The following GALNT14 variants were observed in gnomAD, a reference collection of about 807,000 sequenced individuals.
GALNT14 encodes polypeptide N-acetylgalactosaminyltransferase 14, also known as UDP-GalNAc:polypeptide N-acetylgalactosaminyltransferase 14.
A neutral mutation model predicts 77.5 loss-of-function variants in GALNT14; 60 were observed. The ratio of observed to expected loss-of-function variants is 0.77; its 90% CI spans 0.63 to 0.96. The LOEUF (loss-of-function observed/expected upper bound fraction) is 0.96. GALNT14 is among the 40% of genes least tolerant of loss of function. The pLI is 0.00. For synonymous variants in GALNT14, 280 were observed against 281.7 expected (o/e 0.99, Z 0.06); for missense variants, 710 against 731.0 (o/e 0.97, Z 0.33).
At chr2:30,970,573 A>C (rs1210972659) in intron 2 of GALNT14, among the ~76,000 whole-genome samples, 5 of 151,974 alleles carry the variant, frequency 3.3e-5, no homozygotes, top group Non-Finnish European at 7.4e-5. Flanking sequence ...TAGAAAAGGA[A>C]AGGACCATGG....
intron 1 of GALNT14, among the ~76,000 whole-genome samples, chr2:31,032,786 TAGA>T (rs1175975484): frequency 6.6e-6 from 1 of 151,868 alleles, no homozygotes; most frequent in African/African-American, 2.4e-5. Context: ...CTGTGAAGAG[TAGA>T]AGATGTGATG....
chr2:30,955,586 G>A (rs374183151), intron 6 of GALNT14, 32 bp downstream of exon 6: 18 of 1,605,184 alleles, frequency 1.1e-5, no homozygotes, highest in East Asian at 4.5e-5. Flanking sequence ...GCTGGGGCAC[G>A]AGGCCCGGCC....
the GALNT14 span, among the ~76,000 whole-genome samples, chr2:30,894,929 C>T: frequency 0.22 from 33,680 of 152,176 alleles, 4,288 homozygotes; most frequent in South Asian, 0.32. Context: ...TGGGTTTGTA[C>T]TATCAGTTCC....
chr2:31,066,317 C>T (rs1480010519), intron 1 of GALNT14, among the ~76,000 whole-genome samples: 1 of 152,030 alleles, frequency 6.6e-6, no homozygotes, highest in Admixed American at 6.5e-5. Context: ...CACCCAGGTG[C>T]CTGTCAGAAG....
intron 1 of GALNT14, among the ~76,000 whole-genome samples, chr2:31,023,148 GAAAAACAAAAAC>G (rs370412226): frequency 1.4e-3 from 196 of 143,052 alleles, no homozygotes; most frequent in Admixed American, 3.2e-3. Flanking sequence ...CTATAGTGGG[GAAAAACAAAAAC>G]AAAAACAAAA....
rs187697868 is a variant in GALNT14 at position 31,072,533 on chromosome 2, C to T, written c.129+65425G>A. Among the ~76,000 whole-genome samples the T allele has an allele frequency of 1.3e-3, 193 of 152,152 alleles. 1 individual carries two copies. Among genetic ancestry groups the T allele is most frequent in the Non-Finnish European group, 2.1e-3 (145 of 68,016 alleles). ...CTTACTGTGGTTTGCTTGGAAAATT[C>T]TGCCTTCCTTTGCCTCTTCCTTACT... is the stretch of plus-strand genomic sequence containing the variant. On this transcript the variant is annotated intron_variant, in intron 1 of 14. Transcript: ENST00000349752.
chr2:31,002,764 T>A (rs770849331), intron 1 of GALNT14, among the ~76,000 whole-genome samples: 1 of 152,196 alleles, frequency 6.6e-6, no homozygotes, highest in Non-Finnish European at 1.5e-5. Context: ...GGGAAGAGGA[T>A]GACTGTCAGT....
chr2:31,030,923 C>T (rs1429157978), intron 1 of GALNT14, among the ~76,000 whole-genome samples: 1 of 152,164 alleles, frequency 6.6e-6, no homozygotes, highest in Non-Finnish European at 1.5e-5. Context: ...GTGTATTTTG[C>T]ATTCACTGGG....
chr2:31,075,560 TAGAG>T (rs1675720355), intron 1 of GALNT14, among the ~76,000 whole-genome samples: 1 of 152,222 alleles, frequency 6.6e-6, no homozygotes, highest in African/African-American at 2.4e-5. Context: ...TTCTGAGAAA[TAGAG>T]AGGCACAGCA....
chr2:30,900,540 T>C, the GALNT14 span, among the ~76,000 whole-genome samples: 3 of 152,166 alleles, frequency 2.0e-5, no homozygotes, highest in African/African-American at 7.2e-5. Context: ...TAGAAATTTA[T>C]TGAGTGTCTA....
intron 1 of GALNT14, among the ~76,000 whole-genome samples, chr2:31,070,884 G>A (rs182149648): frequency 2.4e-4 from 37 of 152,328 alleles, no homozygotes; most frequent in African/African-American, 7.7e-4. Context: ...AGCACTGTCT[G>A]GTCTCTGTTA....
intron 1 of GALNT14, among the ~76,000 whole-genome samples, chr2:31,061,659 C>T (rs1295816514): frequency 6.7e-6 from 1 of 149,704 alleles, no homozygotes; most frequent in African/African-American, 2.5e-5. Context: ...AGGTACTTTC[C>T]CTAAGAAACC....
intron 14 of GALNT14, 134 bp from the exon 15 acceptor site, chr2:30,911,193 A>T: frequency 1.4e-6 from 1 of 718,070 alleles, no homozygotes; most frequent in Non-Finnish European, 2.3e-6. Context: ...TAAGCACTAA[A>T]ACTGCAACTA....
intron 1 of GALNT14, among the ~76,000 whole-genome samples, chr2:31,130,373 C>CAGAGCAG (rs1678916656): frequency 6.6e-6 from 1 of 152,208 alleles, no homozygotes; most frequent in Non-Finnish European, 1.5e-5. Flanking sequence ...TGGGCTTCTA[C>CAGAGCAG]AGAGCAGAGG....
intron 1 of GALNT14, among the ~76,000 whole-genome samples, chr2:31,055,282 T>C (rs1343054280): frequency 2.6e-5 from 4 of 152,246 alleles, no homozygotes; most frequent in Non-Finnish European, 5.9e-5. Flanking sequence ...GCCAGCATAC[T>C]GCTTTTCATT....
chr2:31,044,896 C>T (rs4494793), intron 1 of GALNT14, among the ~76,000 whole-genome samples: 107,438 of 151,344 alleles, frequency 0.71, 38,584 homozygotes, highest in East Asian at 0.98. Context: ...GCCTGGGCAA[C>T]AGAGTAAGAC....
In GALNT14 at chr2:30,989,731, T is replaced by A. The variant is rs966204723; in HGVS notation, c.299+3107A>T. On this transcript the variant is annotated intron_variant, in intron 2 of 14. Transcript: ENST00000349752. The stretch of plus-strand genomic sequence containing the variant: ...TATATATATTAGTATATATATATAT[T>A]ATTTGATCTTTATAAAAACTGAATT... Among the ~76,000 whole-genome samples the A allele has an allele frequency of 3.9e-4, 56 of 144,374 alleles. 1 individual carries two copies. In the South Asian group the frequency reaches 5.1e-3, roughly 13 times the overall value. The allele number at this position is 144,374 out of a possible 152,430, so 94.7% of individuals were successfully genotyped here.
At chr2:31,015,663 T>C (rs940915583) in intron 1 of GALNT14, among the ~76,000 whole-genome samples, 2 of 152,136 alleles carry the variant, frequency 1.3e-5, no homozygotes, top group Admixed American at 1.3e-4. Context: ...ATATCCCCTA[T>C]AAGGATGTAC....
chr2:31,138,154 C>A lies in GALNT14; in HGVS notation c.-68G>T. On this transcript the variant is annotated 5_prime_UTR_variant, in exon 1 of 15. Coordinates refer to ENST00000349752, the MANE Select transcript of GALNT14 (RefSeq NM_024572.4). The stretch of plus-strand genomic sequence containing the variant: ...GGCACCCCCCGGCGGTCAGGGTTGG[C>A]GGGGCAGGAGTCCTGGCGAGCGCCT... 1.2e-6 allele frequency: 2 copies of A among 1,606,046 alleles called. No individual in the cohort carries two copies. The highest frequency in any genetic ancestry group is 1.7e-4 in the Middle Eastern group (1 of 6,034).
Sources: gnomAD v4.1 joint callset for allele counts (sites outside exome capture counted in the v4.1 genomes callset) on GRCh38, gnomAD v4.1.1 for gene constraint, MANE v1.5 for transcripts, NCBI Gene and HGNC (gene_info 2026-07-23, HGNC 2026-07-21) for gene names.